The following SLC13A3 variants were observed in gnomAD, a reference collection of about 807,000 sequenced individuals.
SLC13A3 encodes the protein solute carrier family 13 member 3, also known as Na(+)/dicarboxylate cotransporter 3.
SLC13A3 carries 40 observed loss-of-function variants against 59.0 expected under a neutral mutation model. The observed-to-expected ratio is 0.68, with a 90% CI of 0.53 to 0.88. The LOEUF (loss-of-function observed/expected upper bound fraction) is 0.88. SLC13A3 is among the 40% of genes least tolerant of loss of function. SLC13A3 has a pLI of 0.00. For synonymous variants in SLC13A3, 317 were observed against 330.3 expected (o/e 0.96, Z 0.44); for missense variants, 699 against 783.2 (o/e 0.89, Z 1.28).
intron 6 of SLC13A3, among the ~76,000 whole-genome samples, chr20:46,590,859 AT>A (rs1253737782): frequency 6.6e-6 from 1 of 152,144 alleles, no homozygotes; most frequent in East Asian, 1.9e-4. Context: ...AGAGAAAAAA[AT>A]AATAAAATAA....
rs529272934 is a variant in SLC13A3, at chr20:46,559,304, A to C, written c.*718T>G. 10 of 152,364 alleles carry C rather than the reference A, an allele frequency of 6.6e-5. No homozygotes were observed. The highest frequency in any genetic ancestry group is 2.4e-4 in the African/African-American group (10 of 41,570). The allele number at this position is 152,364 out of a possible 1,614,324, so 9.4% of individuals were successfully genotyped here. On this transcript the variant is annotated 3_prime_UTR_variant, in exon 13 of 13. Transcript: ENST00000279027. ...ATTATGGCCAAACTGACCCAGATGA[A>C]ACAGGAGAATCCTAAATCTCTTGGG...
At chr20:46,595,895 C>G (rs2062307063) in intron 5 of SLC13A3, among the ~76,000 whole-genome samples, 1 of 152,076 alleles carries the variant, frequency 6.6e-6, no homozygotes, top group Admixed American at 6.6e-5. Context: ...TCACTTCTAC[C>G]CTCTTTCCCT....
chr20:46,651,267 C>T (rs2122887614), intron 1 of SLC13A3, 44 bp downstream of exon 1: 1 of 1,447,480 alleles, frequency 6.9e-7, no homozygotes, highest in South Asian at 1.4e-5. Context: ...GAAGAGGATC[C>T]CGCCTGTGGT....
intron 10 of SLC13A3, among the ~76,000 whole-genome samples, chr20:46,567,914 C>A (rs1732882262): frequency 6.6e-6 from 1 of 152,196 alleles, no homozygotes; most frequent in Admixed American, 6.5e-5. Context: ...TAGAACAAAG[C>A]TGTAGGTTTT....
At chr20:46,622,303 C>A (rs185151285) in intron 1 of SLC13A3, among the ~76,000 whole-genome samples, 1 of 152,118 alleles carries the variant, frequency 6.6e-6, no homozygotes, top group East Asian at 1.9e-4. Flanking sequence ...CAGGTGGATG[C>A]CGGCTCAAAT....
At chr20:46,564,476 G>A (rs1019546139) in intron 11 of SLC13A3, among the ~76,000 whole-genome samples, 5 of 152,194 alleles carry the variant, frequency 3.3e-5, no homozygotes, top group African/African-American at 1.2e-4. Flanking sequence ...TTGATGATAA[G>A]CAAAGTTTAC....
At chr20:46,579,596 T>A (rs959109600) in intron 9 of SLC13A3, among the ~76,000 whole-genome samples, 1 of 152,356 alleles carries the variant, frequency 6.6e-6, no homozygotes, top group East Asian at 1.9e-4. Context: ...GCAGTGCTCA[T>A]GGAGTTCCCT....
At chr20:46,651,474 C>A (rs914325661), upstream of SLC13A3, 48 of 1,332,766 alleles carry the variant, frequency 3.6e-5, no homozygotes, top group Admixed American at 8.3e-5. Context: ...CGCCTGGCCC[C>A]GGCGCCGGCT....
chr20:46,561,056 C>T (rs923199808), intron 12 of SLC13A3, among the ~76,000 whole-genome samples: 11 of 152,178 alleles, frequency 7.2e-5, no homozygotes, highest in African/African-American at 2.7e-4. Flanking sequence ...TTAGGGCCAA[C>T]CTGTCTCCCA....
upstream of SLC13A3, among the ~76,000 whole-genome samples, chr20:46,656,184 T>C (rs940840745): frequency 6.9e-6 from 1 of 143,950 alleles, no homozygotes; most frequent in African/African-American, 2.5e-5. Flanking sequence ...TTATATTGTA[T>C]ATAATATAGA....
At position 46,616,929 on chromosome 20, in the gene SLC13A3, C is replaced by T. The variant is rs570388995; in HGVS notation, c.112-3204G>A. ...TACAACTTTGGAGAGATGGAGCCAC[C>T]TCTCCTCTTGAGTCTTGGCTCCTGG... is the stretch of plus-strand genomic sequence containing the variant. On this transcript the variant is annotated intron_variant, in intron 1 of 12. Transcript: ENST00000279027. Among the ~76,000 whole-genome samples, 6 of 152,346 alleles carry T rather than the reference C, an allele frequency of 3.9e-5. No individual in the cohort carries two copies. The South Asian group carries it at 1.2e-3, about 32-fold the overall frequency.
At chr20:46,596,105 AGAG>A in intron 5 of SLC13A3, 49 bp downstream of exon 5, 1 of 1,527,208 alleles carries the variant, frequency 6.5e-7, no homozygotes, top group Non-Finnish European at 9.0e-7. Flanking sequence ...GAAGGAGGGA[AGAG>A]GAGGGGAGGA....
intron 1 of SLC13A3, among the ~76,000 whole-genome samples, chr20:46,656,555 GTA>G (rs1236900093): frequency 7.0e-6 from 1 of 142,588 alleles, no homozygotes; most frequent in Non-Finnish European, 1.5e-5. Flanking sequence ...ATATTATACT[GTA>G]TATGATATAT....
At chr20:46,607,647 C>G (rs1231154113) in intron 3 of SLC13A3, among the ~76,000 whole-genome samples, 1 of 152,210 alleles carries the variant, frequency 6.6e-6, no homozygotes, top group Non-Finnish European at 1.5e-5. Context: ...CAAGTCCCTT[C>G]CCCTTCCTGA....
intron 10 of SLC13A3, among the ~76,000 whole-genome samples, chr20:46,574,710 G>A (rs1364604682): frequency 6.6e-6 from 1 of 152,158 alleles, no homozygotes; most frequent in Non-Finnish European, 1.5e-5. Context: ...TGTGACATTA[G>A]GTAAGGTACT....
chr20:46,636,050 C>A (rs554073731), intron 1 of SLC13A3, among the ~76,000 whole-genome samples: 1 of 152,338 alleles, frequency 6.6e-6, no homozygotes, highest in Non-Finnish European at 1.5e-5. Flanking sequence ...TAATCCACCC[C>A]TTGTTTAGCA....
intron 3 of SLC13A3, among the ~76,000 whole-genome samples, chr20:46,601,634 A>G (rs1028768675): frequency 6.6e-6 from 1 of 152,226 alleles, no homozygotes; most frequent in Non-Finnish European, 1.5e-5. Flanking sequence ...GCAAAAGAAC[A>G]AGGCAGGGAA....
chr20:46,641,472 G>C (rs1169207342), intron 1 of SLC13A3, among the ~76,000 whole-genome samples: 1 of 152,168 alleles, frequency 6.6e-6, no homozygotes, highest in South Asian at 2.1e-4. Context: ...GGCTGTTTTA[G>C]AGAGTGATTT....
intron 9 of SLC13A3, among the ~76,000 whole-genome samples, chr20:46,577,588 C>T (rs1184417646): frequency 2.6e-5 from 4 of 152,202 alleles, no homozygotes; most frequent in Admixed American, 2.0e-4. Context: ...GATTAAATGG[C>T]GAGTGCGTAT....
Sources: allele counts gnomAD v4.1 joint callset (sites outside exome capture counted in the v4.1 genomes callset), GRCh38; gene constraint gnomAD v4.1.1; transcripts MANE v1.5; gene names NCBI Gene and HGNC (gene_info 2026-07-23, HGNC 2026-07-21).